GALNTL6: variants seen among roughly 807,000 people sequenced by gnomAD.
The protein encoded by GALNTL6 is polypeptide N-acetylgalactosaminyltransferase like 6.
Under a neutral mutation model 73.7 loss-of-function variants are expected in GALNTL6, and 46 were observed. The observed-to-expected ratio is 0.62, with a 90% CI of 0.49 to 0.80. The LOEUF is 0.80. Ranked by LOEUF, GALNTL6 falls within the 30% of genes least tolerant of loss-of-function variation. GALNTL6 has a pLI of 0.00. For synonymous variants in GALNTL6, 259 were observed against 263.7 expected (o/e 0.98, Z 0.17); for missense variants, 604 against 755.0 (o/e 0.80, Z 2.34).
At chr4:172,413,128 T>C (rs932464270) in intron 5 of GALNTL6, among the ~76,000 whole-genome samples, 1 of 152,148 alleles carries the variant, frequency 6.6e-6, no homozygotes, top group Non-Finnish European at 1.5e-5. Context: ...GTCAAACTGG[T>C]AAAGCAAAGA....
At position 173,008,665 on chromosome 4, in the gene GALNTL6, G is replaced by A. The variant is rs370284311; in HGVS notation, c.1372-513G>A. ...AGTAGGCTGAAGTTAGGAAATCATT[G>A]ATTGGTCACAGAGAGCAGCATAAGG... On this transcript the variant is annotated intron_variant, in intron 10 of 12. Coordinates refer to ENST00000506823, the MANE Select transcript of GALNTL6 (RefSeq NM_001034845.3). Among the ~76,000 whole-genome samples, 4 of 152,338 alleles carry A rather than the reference G, an allele frequency of 2.6e-5. 1 individual carries two copies.
intron 2 of GALNTL6, among the ~76,000 whole-genome samples, chr4:171,930,876 A>G (rs1362051767): frequency 6.6e-6 from 1 of 152,128 alleles, no homozygotes; most frequent in African/African-American, 2.4e-5. Flanking sequence ...CAGGACAATT[A>G]TATACACTTT....
chr4:172,352,778 C>T (rs1292554564), intron 5 of GALNTL6, among the ~76,000 whole-genome samples: 2 of 151,984 alleles, frequency 1.3e-5, no homozygotes, highest in African/African-American at 4.8e-5. Flanking sequence ...AACAGAGGCA[C>T]ACAGGCGCAC....
chr4:172,262,661 A>G (rs1365139920), intron 3 of GALNTL6, among the ~76,000 whole-genome samples: 1 of 151,334 alleles, frequency 6.6e-6, no homozygotes, highest in Non-Finnish European at 1.5e-5. Context: ...TTCTATTATC[A>G]TGCCAAATGC....
In GALNTL6 at chr4:172,520,179, A is replaced by G. The variant is rs377009419; in HGVS notation, c.553+171490A>G. On this transcript the variant is annotated intron_variant, in intron 5 of 12. Coordinates refer to ENST00000506823, the MANE Select transcript of GALNTL6 (RefSeq NM_001034845.3). ...TTATTCTTATTTTAAGGAACCCAAT[A>G]CTAAAGAAGTTAATGTCGGTGTCAA... Among the ~76,000 whole-genome samples the G allele has an allele frequency of 1.0e-3, 153 of 152,044 alleles. 4 individuals carry two copies. The South Asian group carries it at 0.031, about 31-fold the overall frequency.
intron 2 of GALNTL6, among the ~76,000 whole-genome samples, chr4:172,215,617 A>C (rs1736470827): frequency 6.6e-6 from 1 of 152,108 alleles, no homozygotes; most frequent in Admixed American, 6.5e-5. Context: ...TTATATTTAA[A>C]GTAGACTTGT....
chr4:172,518,935 A>G (rs1006317765), intron 5 of GALNTL6, among the ~76,000 whole-genome samples: 25 of 151,858 alleles, frequency 1.6e-4, no homozygotes, highest in Non-Finnish European at 1.2e-4. Context: ...CAAACCAATG[A>G]TGCTGTGAGG....
Position 172,637,793 on chromosome 4 carries a change from A to G in GALNTL6, c.554-171568A>G, listed in dbSNP as rs1192164324. ...GTCACTAACAACACTTCTTAAATCC[A>G]CTGAAAATAATCTACTTCTAACCTT... On this transcript the variant is annotated intron_variant, in intron 5 of 12. Coordinates refer to ENST00000506823, the MANE Select transcript of GALNTL6 (RefSeq NM_001034845.3). Among the ~76,000 whole-genome samples the G allele has an allele frequency of 5.3e-5, 8 of 152,154 alleles. 1 individual carries two copies. Among genetic ancestry groups the G allele is most frequent in the Non-Finnish European group, 1.2e-4 (8 of 68,022 alleles).
At chr4:171,944,490 G>A (rs1407591279) in intron 2 of GALNTL6, among the ~76,000 whole-genome samples, 1 of 151,864 alleles carries the variant, frequency 6.6e-6, no homozygotes, top group African/African-American at 2.4e-5. Context: ...ATAAAATTAG[G>A]GTTTTGGATA....
intron 5 of GALNTL6, among the ~76,000 whole-genome samples, chr4:172,677,923 GC>G (rs1560874280): frequency 2.6e-5 from 4 of 152,118 alleles, no homozygotes; most frequent in Non-Finnish European, 4.4e-5. Flanking sequence ...TGATGTAATA[GC>G]TGGAGCAAAT....
chr4:172,733,720 C>T (rs62330818), intron 5 of GALNTL6, among the ~76,000 whole-genome samples: 22,938 of 152,108 alleles, frequency 0.15, 2,015 homozygotes, highest in Admixed American at 0.25. Context: ...CTTCGCCTTC[C>T]GCCATGATTG....
chr4:172,841,408 C>T (rs186485370), intron 7 of GALNTL6, among the ~76,000 whole-genome samples: 2 of 152,234 alleles, frequency 1.3e-5, no homozygotes, highest in East Asian at 3.9e-4. Context: ...ATACCTAGCT[C>T]CAAGTTCATG....
chr4:171,981,548 A>G (rs2111080218), intron 2 of GALNTL6, among the ~76,000 whole-genome samples: 1 of 152,322 alleles, frequency 6.6e-6, no homozygotes, highest in African/African-American at 2.4e-5. Context: ...TTACTTAGGA[A>G]TAAAATAGGA....
chr4:172,052,855 C>CA (rs1435378983), intron 2 of GALNTL6, among the ~76,000 whole-genome samples: 1 of 152,120 alleles, frequency 6.6e-6, no homozygotes, highest in East Asian at 1.9e-4. Context: ...TATTCACACA[C>CA]ACTCTCTCAC....
intron 2 of GALNTL6, among the ~76,000 whole-genome samples, chr4:171,832,624 A>G (rs1735009224): frequency 1.3e-5 from 2 of 151,674 alleles, no homozygotes; most frequent in African/African-American, 4.8e-5. Flanking sequence ...AATAAAATAA[A>G]CTTATCATTT....
At chr4:172,944,882 C>G (rs1749083383) in intron 9 of GALNTL6, among the ~76,000 whole-genome samples, 1 of 151,524 alleles carries the variant, frequency 6.6e-6, no homozygotes, top group African/African-American at 2.4e-5. Context: ...ATGGTGAAAC[C>G]CCGTCTCTAC....
At chr4:171,995,504 C>T (rs7695717) in intron 2 of GALNTL6, among the ~76,000 whole-genome samples, 149,033 of 152,104 alleles carry the variant, frequency 0.98, 73,085 homozygotes, top group Middle Eastern at 1. Context: ...GAATGCAATA[C>T]ATTTTTTAAT....
chr4:172,644,980 A>T (rs145452384), intron 5 of GALNTL6, among the ~76,000 whole-genome samples: 1 of 152,122 alleles, frequency 6.6e-6, no homozygotes, highest in East Asian at 1.9e-4. Context: ...ATGCATAATG[A>T]ATGTTTAAGT....
intron 7 of GALNTL6, among the ~76,000 whole-genome samples, chr4:172,844,576 G>A (rs13112941): frequency 0.48 from 72,991 of 152,132 alleles, 20,698 homozygotes; most frequent in East Asian, 0.91. Flanking sequence ...TGTTAAATCT[G>A]CTTCCTTATA....
Sources: gnomAD v4.1 joint callset for allele counts (sites outside exome capture counted in the v4.1 genomes callset) on GRCh38, gnomAD v4.1.1 for gene constraint, MANE v1.5 for transcripts, NCBI Gene and HGNC (gene_info 2026-07-23, HGNC 2026-07-21) for gene names.